Variants in ASXL2 observed in about 807,000 individuals in gnomAD.
ASXL2 encodes the protein ASXL transcriptional regulator 2, also known as putative Polycomb group protein ASXL2.
A neutral mutation model predicts 122.0 loss-of-function variants in ASXL2; 23 were observed. That is an observed-to-expected ratio of 0.19 (90% CI 0.14 to 0.27). ASXL2 has a LOEUF of 0.27. Among genes scored for constraint, ASXL2 ranks in the 10% least tolerant of loss-of-function variants. ASXL2 has a pLI of 1.00. For missense variants in ASXL2, 1,518 were observed against 1,713.8 expected (o/e 0.89, Z 2.02); for synonymous variants, 650 against 637.0 (o/e 1.02, Z -0.31).
intron 1 of ASXL2, among the ~76,000 whole-genome samples, chr2:25,848,196 C>A (rs1449676842): frequency 6.6e-6 from 1 of 152,118 alleles, no homozygotes; most frequent in Non-Finnish European, 1.5e-5. Context: ...GAGCCACACT[C>A]AGAACTGAAA....
chr2:25,868,733 T>C (rs549992063), intron 1 of ASXL2, among the ~76,000 whole-genome samples: 26 of 152,306 alleles, frequency 1.7e-4, no homozygotes, highest in Non-Finnish European at 2.6e-4. Context: ...CATCCTCTCT[T>C]AAAAGTAAGA....
intron 5 of ASXL2, among the ~76,000 whole-genome samples, chr2:25,779,012 G>C (rs2088590700): frequency 6.7e-6 from 1 of 149,916 alleles, no homozygotes; most frequent in Admixed American, 6.7e-5. Context: ...TCATCATTTA[G>C]AAAGAGAAAA....
chr2:25,742,029 T>C lies in ASXL2; in HGVS notation c.4308A>G (p.Ter1436=), dbSNP rs1463887894. 7 of 1,609,984 alleles carry C rather than the reference T, an allele frequency of 4.3e-6. No homozygotes were observed. The highest frequency in any genetic ancestry group is 5.1e-6 in the Non-Finnish European group (6 of 1,177,324). The change falls in exon 13 of 13, where the codon TAA becomes TAG. Residue 1436 remains the stop codon, a stop_retained_variant. Transcript: ENST00000435504. ...KLCVSCLVVR[*] is the part of the protein sequence containing the mutation. Reference sequence around the variant, plus strand: ...TACAGTGTATCTCTTTCTAGTCTCATTACCGAACGACAAGGCAGGAGACGC... The same window carrying C: ...TACAGTGTATCTCTTTCTAGTCTCACTACCGAACGACAAGGCAGGAGACGC...
intron 1 of ASXL2, among the ~76,000 whole-genome samples, chr2:25,865,867 C>T (rs1237899729): frequency 6.7e-6 from 1 of 149,822 alleles, no homozygotes; most frequent in African/African-American, 2.5e-5. Flanking sequence ...CTGTTAACTA[C>T]ATCACAATGG....
intron 11 of ASXL2, 142 bp from the exon 12 acceptor site, chr2:25,750,555 T>C (rs2088027694): frequency 3.9e-6 from 3 of 759,570 alleles, no homozygotes; most frequent in Non-Finnish European, 6.2e-6. Context: ...TCACTATTAG[T>C]AGTAGTGAAA....
intron 11 of ASXL2, among the ~76,000 whole-genome samples, chr2:25,750,793 G>A (rs536418634): frequency 1.3e-5 from 2 of 152,290 alleles, no homozygotes; most frequent in South Asian, 4.1e-4. Context: ...TTATAGAGGG[G>A]CCACATTGTC....
intron 1 of ASXL2, chr2:25,856,363 CTTTTT>C (rs70950127): frequency 1.9e-3 from 438 of 234,566 alleles, no homozygotes; most frequent in Middle Eastern, 6.6e-3. Flanking sequence ...CTGGCCTATA[CTTTTT>C]TTTTTTTTTT....
At chr2:25,781,709 G>A (rs2088641175) in intron 5 of ASXL2, among the ~76,000 whole-genome samples, 2 of 135,092 alleles carry the variant, frequency 1.5e-5, no homozygotes, top group Admixed American at 7.9e-5. Context: ...TTGCTCTGTT[G>A]CCTAGGCTGG....
At chr2:25,838,450 A>G (rs1471295988) in intron 2 of ASXL2, among the ~76,000 whole-genome samples, 1 of 152,246 alleles carries the variant, frequency 6.6e-6, no homozygotes, top group East Asian at 1.9e-4. Context: ...CATAAGAACT[A>G]TAGAAGTGTA....
At chr2:25,867,696 C>T (rs2149202841) in intron 1 of ASXL2, among the ~76,000 whole-genome samples, 1 of 152,310 alleles carries the variant, frequency 6.6e-6, no homozygotes, top group South Asian at 2.1e-4. Flanking sequence ...TATAACCCTC[C>T]ACATTTTGGC....
At chr2:25,877,709 T>C (rs1241176691) in intron 1 of ASXL2, among the ~76,000 whole-genome samples, 1 of 152,206 alleles carries the variant, frequency 6.6e-6, no homozygotes, top group Admixed American at 6.5e-5. Flanking sequence ...GCACGTCCGC[T>C]GTAACGGGTA....
rs557915567 is a variant in ASXL2 at position 25,782,547 on chromosome 2, G to GA, written c.404-11008dup. On this transcript the variant is annotated intron_variant, in intron 5 of 12. Transcript: ENST00000435504. ...GGCAACAGAGGAAGACTCCATCTCA[G>GA]AAAAAACAAAACAAAACAAAACACC... Among the ~76,000 whole-genome samples, 250 of 152,010 alleles carry GA rather than the reference G, an allele frequency of 1.6e-3. 3 individuals are homozygous for GA. Among genetic ancestry groups the GA allele is most frequent in the African/African-American group, 5.5e-3 (227 of 41,490 alleles).
intron 1 of ASXL2, among the ~76,000 whole-genome samples, chr2:25,848,457 C>T (rs1040781891): frequency 6.6e-6 from 1 of 151,796 alleles, no homozygotes; most frequent in Non-Finnish European, 1.5e-5. Flanking sequence ...CCTGTCTCTA[C>T]TAAAAATACA....
At chr2:25,836,337 CTCTT>C (rs1361054348) in intron 2 of ASXL2, among the ~76,000 whole-genome samples, 1 of 152,148 alleles carries the variant, frequency 6.6e-6, no homozygotes, top group Non-Finnish European at 1.5e-5. Flanking sequence ...TAAAACTAAG[CTCTT>C]TCTAATGAAA....
chr2:25,763,618 T>C (rs939353947), intron 8 of ASXL2, among the ~76,000 whole-genome samples: 1 of 152,190 alleles, frequency 6.6e-6, no homozygotes, highest in Non-Finnish European at 1.5e-5. Flanking sequence ...TCAGTAAATT[T>C]TGAGTAATAG....
At chr2:25,776,087 T>C (rs1187327799) in intron 5 of ASXL2, among the ~76,000 whole-genome samples, 3 of 152,184 alleles carry the variant, frequency 2.0e-5, no homozygotes, top group Non-Finnish European at 4.4e-5. Context: ...TAAAATTCAA[T>C]GGCTTTCAGT....
chr2:25,859,763 G>A (rs1307644627), intron 1 of ASXL2, among the ~76,000 whole-genome samples: 1 of 152,176 alleles, frequency 6.6e-6, no homozygotes, highest in African/African-American at 2.4e-5. Flanking sequence ...AATCATACAT[G>A]TCTGTTCTCA....
intron 5 of ASXL2, among the ~76,000 whole-genome samples, chr2:25,796,152 G>A (rs2088908375): frequency 6.6e-6 from 1 of 152,192 alleles, no homozygotes. Flanking sequence ...TCCAGGAGTA[G>A]CAAAAACATT....
Position 25,743,276 on chromosome 2 carries a change from C to G in ASXL2, c.3061G>C (p.Gly1021Arg), listed in dbSNP as rs755921418. ...QSHPATQQQLGKTLQSKQLPQ... is the reference protein window; with the variant it reads ...QSHPATQQQLRKTLQSKQLPQ... ...AGCTGCTTACTTTGCAAGGTTTTGCCCAGCTGCTGCTGCGTAGCTGGATGG... is the reference window on the plus strand; with the variant it reads ...AGCTGCTTACTTTGCAAGGTTTTGCGCAGCTGCTGCTGCGTAGCTGGATGG... Residue 1021 changes from glycine (G) to arginine (R), a missense_variant, in exon 13 of 13, where the codon GGC (glycine) becomes CGC (arginine). Gly to Arg is a moderately radical substitution (Grantham distance 125, BLOSUM62 -2). Transcript: ENST00000435504. The G allele has an allele frequency of 9.9e-6, 16 of 1,613,708 alleles. No homozygotes were observed. The highest frequency in any genetic ancestry group is 3.3e-4 in the Middle Eastern group (2 of 6,060).
Sources: allele counts gnomAD v4.1 joint callset (sites outside exome capture counted in the v4.1 genomes callset), GRCh38; gene constraint gnomAD v4.1.1; transcripts MANE v1.5; gene names NCBI Gene and HGNC (gene_info 2026-07-23, HGNC 2026-07-21).